HEPACAM2: variants seen among roughly 807,000 people sequenced by gnomAD.
The protein encoded by HEPACAM2 is mitotic kinetics regulator.
In HEPACAM2, 49 loss-of-function variants were observed where a neutral mutation model predicts 49.6. The ratio of observed to expected loss-of-function variants is 0.99; its 90% CI spans 0.78 to 1.25. HEPACAM2 has a LOEUF of 1.25. Among genes scored for constraint, HEPACAM2 ranks in the 50% most tolerant of loss-of-function variants. The pLI is 0.00. For synonymous variants in HEPACAM2, 197 were observed against 202.9 expected (o/e 0.97, Z 0.25); for missense variants, 525 against 557.2 (o/e 0.94, Z 0.58).
At chr7:93,211,768 G>C (rs1794184447) in intron 3 of HEPACAM2, among the ~76,000 whole-genome samples, 1 of 151,926 alleles carries the variant, frequency 6.6e-6, no homozygotes, top group African/African-American at 2.4e-5. Context: ...CGTAGTTTGG[G>C]AGAGCAAGAG....
intron 3 of HEPACAM2, among the ~76,000 whole-genome samples, chr7:93,210,080 T>C (rs1273791654): frequency 2.6e-5 from 4 of 151,976 alleles, no homozygotes; most frequent in Non-Finnish European, 5.9e-5. Context: ...ACTTTTCCCA[T>C]TGCTTTCTTC....
chr7:93,220,311 G>C (rs1794422839), intron 1 of HEPACAM2, among the ~76,000 whole-genome samples: 1 of 152,192 alleles, frequency 6.6e-6, no homozygotes, highest in Non-Finnish European at 1.5e-5. Flanking sequence ...GTTAGGAGGT[G>C]ACTGCAATGT....
intron 1 of HEPACAM2, among the ~76,000 whole-genome samples, chr7:93,223,640 T>C (rs1794490658): frequency 2.0e-5 from 3 of 152,176 alleles, no homozygotes; most frequent in African/African-American, 7.2e-5. Context: ...TTTTTTCAAA[T>C]ATGTATGCTT....
chr7:93,195,770 A>G lies in HEPACAM2; in HGVS notation c.1275+58T>C. On this transcript the variant is annotated intron_variant, in intron 8 of 9. Coordinates refer to ENST00000394468, the MANE Select transcript of HEPACAM2 (RefSeq NM_001039372.4). ...CCCAGTGCTTAAACAAATGCTTTTT[A>G]CACCTCTGGTGAAGCAGAATTCTAC... 10 of 1,330,650 alleles carry G rather than the reference A, an allele frequency of 7.5e-6. No individual in the cohort carries two copies. In the South Asian group the frequency reaches 1.2e-4, roughly 16 times the overall value. The allele number at this position is 1,330,650 out of a possible 1,614,324, so 82.4% of individuals were successfully genotyped here.
At chr7:93,225,915 A>G (rs1188333663) in intron 1 of HEPACAM2, 4 of 1,436,740 alleles carry the variant, frequency 2.8e-6, no homozygotes, top group Admixed American at 4.7e-5. Flanking sequence ...TGAGACAGAT[A>G]ACTTAAAACG....
At chr7:93,203,693 G>A (rs1411777297) in intron 4 of HEPACAM2, among the ~76,000 whole-genome samples, 1 of 152,078 alleles carries the variant, frequency 6.6e-6, no homozygotes, top group African/African-American at 2.4e-5. Flanking sequence ...CAAGAGGTGT[G>A]GTATCCATGG....
At chr7:93,192,940 T>C (rs1190701779) in intron 8 of HEPACAM2, among the ~76,000 whole-genome samples, 2 of 152,154 alleles carry the variant, frequency 1.3e-5, no homozygotes, top group African/African-American at 2.4e-5. Context: ...ATAGTGTATT[T>C]ATGGCTGGTA....
chr7:93,197,494 G>T lies in HEPACAM2; in HGVS notation c.1129C>A (p.Pro377Thr). ...TGTAATTTTAACCTACCTTTGTAGG[G>T]TTGATATTTTTTCCATAGGAAGAGA... ...CLLFLWKKYQ[P>T]YKVIKQKLEG... The change falls in exon 5 of 10, where the codon CCC becomes ACC. Residue 377 changes from proline (P) to threonine (T), a missense_variant. Physicochemically the swap from Pro to Thr is conservative, Grantham distance 38. Coordinates refer to ENST00000394468, the MANE Select transcript of HEPACAM2 (RefSeq NM_001039372.4). 1 of 1,591,984 alleles carries T rather than the reference G, an allele frequency of 6.3e-7. No homozygotes were observed. The highest frequency in any genetic ancestry group is 8.6e-7 in the Non-Finnish European group (1 of 1,166,312).
intron 9 of HEPACAM2, among the ~76,000 whole-genome samples, chr7:93,190,738 T>C (rs1291519287): frequency 6.6e-6 from 1 of 152,080 alleles, no homozygotes; most frequent in African/African-American, 2.4e-5. Flanking sequence ...AAGATGTTGC[T>C]AGTGTCTAAA....
chr7:93,199,283 A>G (rs570248426), intron 4 of HEPACAM2, among the ~76,000 whole-genome samples: 1 of 152,280 alleles, frequency 6.6e-6, no homozygotes, highest in East Asian at 1.9e-4. Context: ...GGCAGCTTCA[A>G]ATGAACTAGA....
rs1256271209 is a variant in HEPACAM2, at chr7:93,208,894, A to C, written c.716-18T>G. 3.3e-6 allele frequency: 5 copies of C among 1,536,182 alleles called. No individual in the cohort carries two copies. The highest frequency in any genetic ancestry group is 4.4e-6 in the Non-Finnish European group (5 of 1,142,604). On this transcript the variant is annotated intron_variant, in intron 3 of 9. Transcript: ENST00000394468. ...AGGTCCATCTGCATCAATATAAAAA[A>C]AAATAGATAAGTAACACAAGTAATC...
upstream of HEPACAM2, among the ~76,000 whole-genome samples, chr7:93,230,953 A>G (rs1794615965): frequency 6.6e-6 from 1 of 152,222 alleles, no homozygotes; most frequent in Admixed American, 6.5e-5. Flanking sequence ...GTGCTTTACA[A>G]TTTATACATT....
In HEPACAM2 at chr7:93,225,964, A is replaced by G; in HGVS notation, c.79+404T>C. The G allele has an allele frequency of 3.9e-6, 5 of 1,270,710 alleles. No homozygotes were observed. The South Asian group carries it at 7.4e-5, about 19-fold the overall frequency. The allele number at this position is 1,270,710 out of a possible 1,614,324, so 78.7% of individuals were successfully genotyped here. A position where few individuals can be genotyped will look rare whatever the true frequency, so the allele number is the denominator to read the frequency against. On this transcript the variant is annotated intron_variant, in intron 1 of 9. Coordinates refer to ENST00000394468, the MANE Select transcript of HEPACAM2 (RefSeq NM_001039372.4). ...TTTGCAACAATATCTTTAATTAAAA[A>G]GAAAACAATTTTCGTAAATTATTTG...
rs768644851 is a variant in HEPACAM2, at chr7:93,189,079, G to A, written c.*188C>T. On this transcript the variant is annotated 3_prime_UTR_variant, in exon 10 of 10. Transcript: ENST00000394468. The stretch of plus-strand genomic sequence containing the variant: ...ATGTTTTTCTGTTGCACAAGACATT[G>A]TGTATATGCTGAAAAACCTGCAGTT... 9 of 523,234 alleles carry A rather than the reference G, an allele frequency of 1.7e-5. No individual in the cohort carries two copies. Among genetic ancestry groups the A allele is most frequent in the Middle Eastern group, 3.8e-4 (1 of 2,614 alleles). The allele number at this position is 523,234 out of a possible 1,614,324, so 32.4% of individuals were successfully genotyped here.
At chr7:93,209,256 A>G (rs1794114394) in intron 3 of HEPACAM2, among the ~76,000 whole-genome samples, 1 of 151,918 alleles carries the variant, frequency 6.6e-6, no homozygotes, top group Admixed American at 6.6e-5. Context: ...TGACTAGCTT[A>G]TTTTTATATG....
intron 8 of HEPACAM2, among the ~76,000 whole-genome samples, chr7:93,192,763 C>T (rs1332612500): frequency 1.3e-5 from 2 of 151,984 alleles, no homozygotes; most frequent in South Asian, 2.1e-4. Flanking sequence ...CAATTATGTG[C>T]GCAAGGGTGG....
chr7:93,216,370 AT>A (rs1794308050), intron 2 of HEPACAM2, among the ~76,000 whole-genome samples: 1 of 152,206 alleles, frequency 6.6e-6, no homozygotes, highest in South Asian at 2.1e-4. Flanking sequence ...CTTTTATCAA[AT>A]TAGAGAAAAA....
intron 4 of HEPACAM2, 143 bp downstream of exon 4, chr7:93,208,436 GT>G: frequency 1.4e-6 from 1 of 697,636 alleles, no homozygotes; most frequent in Non-Finnish European, 2.2e-6. Flanking sequence ...CCATGGCTTA[GT>G]TAACTTTGGA....
rs148921288 is a variant in HEPACAM2 at position 93,194,087 on chromosome 7, C to T, written c.1276-1724G>A. On this transcript the variant is annotated intron_variant, in intron 8 of 9. Coordinates refer to ENST00000394468, the MANE Select transcript of HEPACAM2 (RefSeq NM_001039372.4). ...GGCTCCAAATCAAGTTATTCTGTTT[C>T]TGATAGAAATAAGCAGGGCTTCTAC... Among the ~76,000 whole-genome samples, 3 of 152,240 alleles carry T rather than the reference C, an allele frequency of 2.0e-5. No homozygotes were observed. In the East Asian group the frequency reaches 5.8e-4, roughly 29 times the overall value.
Sources: gnomAD v4.1 joint callset for allele counts (sites outside exome capture counted in the v4.1 genomes callset) on GRCh38, gnomAD v4.1.1 for gene constraint, MANE v1.5 for transcripts, NCBI Gene and HGNC (gene_info 2026-07-23, HGNC 2026-07-21) for gene names.